The following NALCN variants were observed in gnomAD, a reference collection of about 807,000 sequenced individuals.
NALCN encodes sodium leak channel, non-selective, also known as sodium leak channel NALCN.
A neutral mutation model predicts 225.3 loss-of-function variants in NALCN; 111 were observed. The ratio of observed to expected loss-of-function variants is 0.49; its 90% CI spans 0.42 to 0.58. The LOEUF is 0.58. Among genes scored for constraint, NALCN ranks in the 20% least tolerant of loss-of-function variants. The pLI is 0.00. For synonymous variants in NALCN, 764 were observed against 769.0 expected, an observed-to-expected ratio of 0.99 and a Z score of 0.11; for missense variants, 1,378 against 2,202.4, an observed-to-expected ratio of 0.63 and a Z score of 7.49.
rs1371480496 is a variant in NALCN at position 101,062,862 on chromosome 13, C to T, written c.4605-744G>A. Among the ~76,000 whole-genome samples, 5 of 152,194 alleles carry T rather than the reference C, an allele frequency of 3.3e-5. No individual in the cohort carries two copies. The South Asian group carries it at 6.2e-4, about 19-fold the overall frequency. On this transcript the variant is annotated intron_variant, in intron 40 of 43. Transcript: ENST00000251127. The stretch of plus-strand genomic sequence containing the variant: ...AAATGATCCACCTGCCTCAGCCTCC[C>T]AAAGAGCTGGGATTACAGGTGTGAG...
chr13:101,058,287 T>C, intron 42 of NALCN: 1 of 492,612 alleles, frequency 2.0e-6, no homozygotes, highest in Non-Finnish European at 3.6e-6. Flanking sequence ...CATCTTGTCC[T>C]GGGTAACCCC....
intron 7 of NALCN, among the ~76,000 whole-genome samples, chr13:101,313,058 C>G (rs1431111186): frequency 6.6e-6 from 1 of 152,074 alleles, no homozygotes; most frequent in Admixed American, 6.5e-5. Context: ...CTTTGACAAA[C>G]CTGACAAAAA....
At chr13:101,380,073 G>T (rs1196658643) in intron 3 of NALCN, among the ~76,000 whole-genome samples, 2 of 125,704 alleles carry the variant, frequency 1.6e-5, no homozygotes, top group African/African-American at 2.7e-5. Flanking sequence ...ATATGTGGAT[G>T]TATATATACA....
At chr13:101,276,213 G>C (rs895933415) in intron 10 of NALCN, among the ~76,000 whole-genome samples, 2 of 152,004 alleles carry the variant, frequency 1.3e-5, no homozygotes, top group African/African-American at 4.8e-5. Flanking sequence ...GGGGTTCTAG[G>C]ACATTCGCTT....
intron 16 of NALCN, among the ~76,000 whole-genome samples, chr13:101,143,796 A>G (rs1023682238): frequency 2.0e-5 from 3 of 152,182 alleles, no homozygotes; most frequent in African/African-American, 7.2e-5. Context: ...GTAATAAAAC[A>G]CTTTTTTTCC....
At chr13:101,326,258 T>G (rs1167073220) in intron 7 of NALCN, among the ~76,000 whole-genome samples, 2 of 152,222 alleles carry the variant, frequency 1.3e-5, no homozygotes, top group African/African-American at 2.4e-5. Context: ...GTTCTGTGTT[T>G]GTACTTACCT....
At chr13:101,274,026 A>G (rs568259231) in intron 10 of NALCN, among the ~76,000 whole-genome samples, 203 of 152,322 alleles carry the variant, frequency 1.3e-3, no homozygotes, top group African/African-American at 4.7e-3. Context: ...AAGCCTGATA[A>G]CATCAAGTGC....
chr13:101,090,109 C>T (rs1017181279), intron 28 of NALCN, 143 bp from the exon 29 acceptor site: 89 of 1,166,996 alleles, frequency 7.6e-5, no homozygotes, highest in Middle Eastern at 2.6e-4. Context: ...CACACGTGTG[C>T]GTGCACACAC....
At chr13:101,080,581 A>AATT (rs1566791330) in intron 34 of NALCN, among the ~76,000 whole-genome samples, 2 of 143,530 alleles carry the variant, frequency 1.4e-5, no homozygotes, top group Admixed American at 7.1e-5. Context: ...AAATAATTAT[A>AATT]TAATTAAATA....
chr13:101,230,170 T>A (rs1354519334), intron 12 of NALCN, among the ~76,000 whole-genome samples: 1 of 152,220 alleles, frequency 6.6e-6, no homozygotes, highest in Non-Finnish European at 1.5e-5. Flanking sequence ...TGCACATACA[T>A]ACAAATATTC....
At chr13:101,081,194 A>G (rs2139506404) in intron 34 of NALCN, among the ~76,000 whole-genome samples, 1 of 152,364 alleles carries the variant, frequency 6.6e-6, no homozygotes, top group Non-Finnish European at 1.5e-5. Flanking sequence ...GACAGTTCTC[A>G]GTCTCTGTTG....
At chr13:101,064,001 A>G (rs1369080119) in intron 40 of NALCN, among the ~76,000 whole-genome samples, 1 of 152,200 alleles carries the variant, frequency 6.6e-6, no homozygotes, top group East Asian at 1.9e-4. Context: ...CAATTCTCAA[A>G]TTTACTTTAA....
At chr13:101,154,355 C>A (rs1305227799) in intron 15 of NALCN, among the ~76,000 whole-genome samples, 1 of 152,190 alleles carries the variant, frequency 6.6e-6, no homozygotes, top group Non-Finnish European at 1.5e-5. Flanking sequence ...GCAATTGGTA[C>A]ACTTTTACTT....
At chr13:101,060,906 G>A (rs577553235) in intron 41 of NALCN, among the ~76,000 whole-genome samples, 28 of 152,318 alleles carry the variant, frequency 1.8e-4, no homozygotes, top group African/African-American at 6.5e-4. Context: ...ACATCACTGG[G>A]CAGCTGGCCT....
chr13:101,212,027 C>T (rs113191645), intron 13 of NALCN, among the ~76,000 whole-genome samples: 2 of 152,216 alleles, frequency 1.3e-5, no homozygotes, highest in African/African-American at 4.8e-5. Context: ...TTCAAAAGCT[C>T]CCTTGTGTCA....
intron 13 of NALCN, among the ~76,000 whole-genome samples, chr13:101,220,762 G>T (rs2040906239): frequency 1.3e-5 from 2 of 152,150 alleles, no homozygotes; most frequent in South Asian, 4.2e-4. Flanking sequence ...AAGTATAGAG[G>T]GGCTAAGTCA....
intron 1 of NALCN, among the ~76,000 whole-genome samples, chr13:101,405,991 G>A (rs2047609033): frequency 6.6e-6 from 1 of 151,860 alleles, no homozygotes. Context: ...TTGGTTGAGG[G>A]GTTATTATGT....
At chr13:101,252,271 CTG>C (rs1349455547) in intron 11 of NALCN, among the ~76,000 whole-genome samples, 4 of 152,154 alleles carry the variant, frequency 2.6e-5, no homozygotes, top group African/African-American at 9.7e-5. Flanking sequence ...TTCTTCCTCT[CTG>C]TTCTCTGACT....
intron 6 of NALCN, chr13:101,368,937 T>C (rs566860623): frequency 2.1e-4 from 55 of 266,040 alleles, no homozygotes; most frequent in African/African-American, 1.2e-3. Context: ...ACCTGGGAGA[T>C]GGATGTTTCA....
Sources: gnomAD v4.1 joint callset for allele counts (sites outside exome capture counted in the v4.1 genomes callset) on GRCh38, gnomAD v4.1.1 for gene constraint, MANE v1.5 for transcripts, NCBI Gene and HGNC (gene_info 2026-07-23, HGNC 2026-07-21) for gene names.